The following PTPRT variants were observed in gnomAD, a reference collection of about 807,000 sequenced individuals.
PTPRT encodes the protein protein tyrosine phosphatase receptor type T, also known as receptor-type tyrosine-protein phosphatase T.
Under a neutral mutation model 176.8 loss-of-function variants are expected in PTPRT, and 56 were observed. The ratio of observed to expected loss-of-function variants is 0.32; its 90% CI spans 0.26 to 0.40. PTPRT has a LOEUF of 0.40. Ranked by LOEUF, PTPRT falls within the 10% of genes least tolerant of loss-of-function variation. PTPRT has a pLI of 1.00. For missense variants in PTPRT, 1,540 were observed against 1,908.2 expected, an observed-to-expected ratio of 0.81 and a Z score of 3.60; for synonymous variants, 783 against 739.0, an observed-to-expected ratio of 1.06 and a Z score of -0.96.
the PTPRT span, among the ~76,000 whole-genome samples, chr20:42,043,098 C>T: frequency 6.6e-6 from 1 of 152,234 alleles, no homozygotes; most frequent in Non-Finnish European, 1.5e-5. Flanking sequence ...AATCCAGGCA[C>T]TAGATAATTG....
At chr20:43,032,892 G>T (rs367788681) in intron 1 of PTPRT, among the ~76,000 whole-genome samples, 1 of 152,146 alleles carries the variant, frequency 6.6e-6, no homozygotes, top group African/African-American at 2.4e-5. Context: ...AGATATAAAC[G>T]CATGATGTGC....
At chr20:43,151,508 A>G (rs1426254407) in intron 1 of PTPRT, among the ~76,000 whole-genome samples, 1 of 152,164 alleles carries the variant, frequency 6.6e-6, no homozygotes, top group Admixed American at 6.5e-5. Context: ...ATATGAATAA[A>G]CAAACCATGT....
At chr20:42,710,970 C>T (rs762558812) in intron 6 of PTPRT, among the ~76,000 whole-genome samples, 4 of 152,204 alleles carry the variant, frequency 2.6e-5, no homozygotes, top group Non-Finnish European at 5.9e-5. Flanking sequence ...AGATTTAATG[C>T]CTGCCCTGCT....
intron 17 of PTPRT, among the ~76,000 whole-genome samples, chr20:42,142,257 T>A (rs756884384): frequency 7.2e-5 from 11 of 152,118 alleles, no homozygotes; most frequent in Non-Finnish European, 1.5e-5. Context: ...GAATCGCTTG[T>A]CCATTCATTG....
intron 7 of PTPRT, among the ~76,000 whole-genome samples, chr20:42,542,111 T>A (rs1049501578): frequency 6.6e-6 from 1 of 152,218 alleles, no homozygotes; most frequent in Non-Finnish European, 1.5e-5. Flanking sequence ...AGGTAAGTTG[T>A]GTCTTTGCTC....
At chr20:42,156,733 G>A (rs999289815) in intron 17 of PTPRT, among the ~76,000 whole-genome samples, 12 of 152,202 alleles carry the variant, frequency 7.9e-5, no homozygotes, top group Admixed American at 7.9e-4. Context: ...CATACACCAT[G>A]TGTTAGGAAA....
chr20:42,847,122 A>C (rs6016906), intron 2 of PTPRT, among the ~76,000 whole-genome samples: 29,710 of 152,218 alleles, frequency 0.2, 3,063 homozygotes, highest in African/African-American at 0.25. Flanking sequence ...AATGAGGAGA[A>C]TCCAAGGCAA....
chr20:42,071,198 G>A (rs940031203), downstream of PTPRT, among the ~76,000 whole-genome samples: 5 of 152,094 alleles, frequency 3.3e-5, no homozygotes, highest in African/African-American at 9.7e-5. Flanking sequence ...CCACCCCTGC[G>A]GCTTGTGTTT....
intron 11 of PTPRT, among the ~76,000 whole-genome samples, chr20:42,345,580 ATATG>A (rs57629519): frequency 0.12 from 10,083 of 86,336 alleles, 583 homozygotes; most frequent in East Asian, 0.19. Flanking sequence ...ACATACATAT[ATATG>A]TGTGTGTGTG....
chr20:42,207,613 GC>G (rs1453563031), intron 15 of PTPRT, among the ~76,000 whole-genome samples: 1 of 32,186 alleles, frequency 3.1e-5, no homozygotes, highest in Non-Finnish European at 6.0e-5. Flanking sequence ...AAAGAAATGA[GC>G]AAAGCCTCCA....
At chr20:42,039,884 G>A in the PTPRT span, among the ~76,000 whole-genome samples, 22 of 151,858 alleles carry the variant, frequency 1.4e-4, no homozygotes, top group Non-Finnish European at 2.8e-4. Context: ...TGTAAATAGT[G>A]CTGCAATAAA....
intron 2 of PTPRT, among the ~76,000 whole-genome samples, chr20:42,794,492 A>G (rs954189280): frequency 2.0e-5 from 3 of 152,114 alleles, no homozygotes; most frequent in African/African-American, 7.2e-5. Context: ...AGCAGTGAGA[A>G]TCATTGGCCC....
intron 7 of PTPRT, among the ~76,000 whole-genome samples, chr20:42,517,447 T>C (rs1412822633): frequency 2.0e-5 from 3 of 151,996 alleles, no homozygotes; most frequent in African/African-American, 4.8e-5. Context: ...GCTTTTATTA[T>C]GGAATTAACT....
intron 1 of PTPRT, among the ~76,000 whole-genome samples, chr20:42,974,501 A>C (rs530522964): frequency 3.9e-5 from 6 of 152,102 alleles, no homozygotes; most frequent in Admixed American, 3.3e-4. Flanking sequence ...ATAATCATAC[A>C]ATTCCACACC....
intron 7 of PTPRT, among the ~76,000 whole-genome samples, chr20:42,539,554 T>C (rs774812061): frequency 5.2e-4 from 78 of 151,200 alleles, no homozygotes; most frequent in Non-Finnish European, 9.0e-4. Context: ...CAGACACAGA[T>C]ACCTGGAGAA....
At chr20:42,582,602 G>A (rs1350073998) in intron 7 of PTPRT, among the ~76,000 whole-genome samples, 2 of 152,184 alleles carry the variant, frequency 1.3e-5, no homozygotes, top group African/African-American at 4.8e-5. Flanking sequence ...CACAAAAAGA[G>A]GTTACCTTTT....
chr20:43,061,201 T>C (rs1987447853), intron 1 of PTPRT, among the ~76,000 whole-genome samples: 1 of 152,080 alleles, frequency 6.6e-6, no homozygotes, highest in African/African-American at 2.4e-5. Flanking sequence ...GAATCAAAAT[T>C]AATTCCTCTT....
chr20:42,757,693 G>A (rs2076855653), intron 5 of PTPRT, among the ~76,000 whole-genome samples: 1 of 152,216 alleles, frequency 6.6e-6, no homozygotes, highest in Non-Finnish European at 1.5e-5. Context: ...ATCTTTAGAA[G>A]CTTGTCTGAA....
At chr20:42,706,508 C>T (rs1270409404) in intron 6 of PTPRT, among the ~76,000 whole-genome samples, 1 of 151,974 alleles carries the variant, frequency 6.6e-6, no homozygotes, top group African/African-American at 2.4e-5. Flanking sequence ...TGAAAAGTTG[C>T]TAATATCTCA....
Sources: gnomAD v4.1 joint callset for allele counts (sites outside exome capture counted in the v4.1 genomes callset) on GRCh38, gnomAD v4.1.1 for gene constraint, MANE v1.5 for transcripts, NCBI Gene and HGNC (gene_info 2026-07-23, HGNC 2026-07-21) for gene names.